SYNE1: variants seen among roughly 807,000 people sequenced by gnomAD.
The protein encoded by SYNE1 is nesprin-1.
SYNE1 carries 616 observed loss-of-function variants against 1,111.0 expected under a neutral mutation model. The observed-to-expected ratio is 0.55, with a 90% confidence interval of 0.52 to 0.59. The LOEUF (loss-of-function observed/expected upper bound fraction) is 0.59, where lower values mean the gene tolerates loss of function less well. SYNE1 is among the 20% of genes least tolerant of loss of function. The pLI is 0.00. For synonymous variants in SYNE1, 3,855 were observed against 3,825.8 expected (o/e 1.01, Z -0.28); for missense variants, 10,006 against 10,417.0 (o/e 0.96, Z 1.72).
chr6:152,587,021 A>T (rs921218171), intron 3 of SYNE1, among the ~76,000 whole-genome samples: 1 of 152,150 alleles, frequency 6.6e-6, no homozygotes, highest in African/African-American at 2.4e-5. Flanking sequence ...GGGCCAAGTC[A>T]TATCTTTGTA....
intron 95 of SYNE1, among the ~76,000 whole-genome samples, chr6:152,284,748 C>A (rs2153734639): frequency 6.6e-6 from 1 of 150,420 alleles, no homozygotes; most frequent in Non-Finnish European, 1.5e-5. Context: ...ATTTCTCAAT[C>A]ATTTCTAAGA....
At chr6:152,532,579 G>A (rs1029267257) in intron 4 of SYNE1, among the ~76,000 whole-genome samples, 5 of 152,168 alleles carry the variant, frequency 3.3e-5, no homozygotes, top group Non-Finnish European at 5.9e-5. Flanking sequence ...AGTCAGGGTT[G>A]CTGAACAGGA....
chr6:152,357,585 G>C (rs1157330412), intron 66 of SYNE1, among the ~76,000 whole-genome samples: 1 of 152,086 alleles, frequency 6.6e-6, no homozygotes, highest in Admixed American at 6.6e-5. Flanking sequence ...CTTAAGGTAA[G>C]TTTATGGGCC....
At chr6:152,622,876 C>T (rs1184489275) in intron 3 of SYNE1, among the ~76,000 whole-genome samples, 1 of 152,164 alleles carries the variant, frequency 6.6e-6, no homozygotes, top group Non-Finnish European at 1.5e-5. Flanking sequence ...AATTTACACT[C>T]CCACCAACAG....
At chr6:152,340,161 C>T (rs1019295398) in intron 74 of SYNE1, among the ~76,000 whole-genome samples, 7 of 152,184 alleles carry the variant, frequency 4.6e-5, no homozygotes, top group Non-Finnish European at 5.9e-5. Context: ...ATCTCCCAGG[C>T]CCCTCTGAGG....
Position 152,233,761 on chromosome 6 carries a change from G to T in SYNE1, c.20712+20C>A, listed in dbSNP as rs770967581. On this transcript the variant is annotated intron_variant, in intron 112 of 145. Coordinates refer to ENST00000367255, the MANE Select transcript of SYNE1 (RefSeq NM_182961.4). Reference sequence around the variant, plus strand: ...ATAGCTTAAGTCAGCTATTTCCCACGAAAGCAATCCTTTCTGTACCTGGTG... The same window carrying T: ...ATAGCTTAAGTCAGCTATTTCCCACTAAAGCAATCCTTTCTGTACCTGGTG... The T allele has an allele frequency of 1.9e-6, 3 of 1,614,038 alleles. No homozygotes were observed. Among genetic ancestry groups the T allele is most frequent in the South Asian group, 1.1e-5 (1 of 91,026 alleles).
intron 100 of SYNE1, among the ~76,000 whole-genome samples, chr6:152,264,034 C>T (rs941811085): frequency 6.6e-6 from 1 of 151,392 alleles, no homozygotes; most frequent in Admixed American, 6.6e-5. Context: ...CATGATGAAA[C>T]CTCATTTCTA....
intron 59 of SYNE1, among the ~76,000 whole-genome samples, chr6:152,371,667 G>A (rs1386723301): frequency 1.2e-5 from 1 of 85,816 alleles, no homozygotes; most frequent in Non-Finnish European, 2.3e-5. Flanking sequence ...AAGGCAGAGA[G>A]AGAGGGGAGG....
chr6:152,301,653 T>TG, intron 92 of SYNE1, among the ~76,000 whole-genome samples: 1 of 152,220 alleles, frequency 6.6e-6, no homozygotes, highest in African/African-American at 2.4e-5. Context: ...AATTCAGCTG[T>TG]CTCGAGCACA....
chr6:152,605,823 G>A (rs1226942296), intron 3 of SYNE1, among the ~76,000 whole-genome samples: 2 of 152,074 alleles, frequency 1.3e-5, no homozygotes, highest in Non-Finnish European at 2.9e-5. Context: ...ATTTAAAAAG[G>A]TATTTTTTTT....
chr6:152,409,094 C>T lies in SYNE1; in HGVS notation c.6514G>A (p.Glu2172Lys), dbSNP rs757797959. ...TCCAGCCATTTGTCCACGGTGCTCTCCATGTCTGTTTTCACCAAGCTGAAA... is the reference window on the plus strand; with the variant it reads ...TCCAGCCATTTGTCCACGGTGCTCTTCATGTCTGTTTTCACCAAGCTGAAA... ...SDFSLVKTDM[E>K]STVDKWLDVS... Residue 2172 changes from glutamate (E) to lysine (K), a missense_variant, in exon 44 of 146, where the codon GAG (glutamate) becomes AAG (lysine). By Grantham distance (56) the Glu-to-Lys change is moderately conservative (BLOSUM62 1). Transcript: ENST00000367255. 2.5e-6 allele frequency: 4 copies of T among 1,614,162 alleles called. No homozygotes were observed. Among genetic ancestry groups the T allele is most frequent in the Non-Finnish European group, 3.4e-6 (4 of 1,180,020 alleles).
At chr6:152,468,842 C>A (rs1475362419) in intron 16 of SYNE1, among the ~76,000 whole-genome samples, 2 of 152,174 alleles carry the variant, frequency 1.3e-5, no homozygotes, top group African/African-American at 2.4e-5. Flanking sequence ...GCAGCAAGAT[C>A]ATAGCTCACT....
In SYNE1 at chr6:152,401,294, T is replaced by A; in HGVS notation, c.6873A>T (p.Ile2291=). Residue 2291 remains isoleucine, a synonymous_variant, in exon 47 of 146, where the codon ATA becomes ATT. Transcript: ENST00000367255. ...TCAGGGTTCCTTTTGCTACTTCAGT[T>A]ATTTCTTTGGCATGCTCCAGTTTCT... ...LMQKLEHAKE[I]TEVAKGTLKD... is the part of the protein sequence containing the mutation. 6.2e-7 allele frequency: 1 copy of A among 1,614,104 alleles called. No individual in the cohort carries two copies. The highest frequency in any genetic ancestry group is 1.1e-5 in the South Asian group (1 of 91,086).
At chr6:152,343,470 C>CTT (rs561650440) in intron 74 of SYNE1, among the ~76,000 whole-genome samples, 1 of 133,210 alleles carries the variant, frequency 7.5e-6, no homozygotes, top group Non-Finnish European at 1.7e-5. Flanking sequence ...CATTCTCTTT[C>CTT]TTTTTTTTTT....
intron 4 of SYNE1, 81 bp downstream of exon 4, chr6:152,539,879 G>T: frequency 1.4e-6 from 2 of 1,428,208 alleles, no homozygotes; most frequent in Non-Finnish European, 2.0e-6. Flanking sequence ...AACAGGGACA[G>T]AAGCATTTTG....
intron 49 of SYNE1, 72 bp downstream of exon 49, chr6:152,398,547 G>A (rs1048611068): frequency 3.0e-5 from 37 of 1,253,592 alleles, no homozygotes; most frequent in Middle Eastern, 1.9e-4. Context: ...TGGGAAATGA[G>A]ATAACTTAGG....
chr6:152,168,409 G>A (rs373499527), intron 130 of SYNE1: 40 of 549,348 alleles, frequency 7.3e-5, no homozygotes, highest in African/African-American at 6.8e-4. Flanking sequence ...ACATGTGCCA[G>A]GCTTGATCTC....
intron 7 of SYNE1, among the ~76,000 whole-genome samples, chr6:152,510,770 G>A (rs533426038): frequency 9.6e-4 from 146 of 152,242 alleles, no homozygotes; most frequent in African/African-American, 2.9e-3. Flanking sequence ...TGAGGTGCTC[G>A]CTTTTCAGAT....
chr6:152,525,143 T>A (rs2099157810), intron 5 of SYNE1, among the ~76,000 whole-genome samples: 1 of 152,134 alleles, frequency 6.6e-6, no homozygotes, highest in Admixed American at 6.6e-5. Context: ...TGATGCAAAA[T>A]TATTACCAGT....
Sources: gnomAD v4.1 joint callset for allele counts (sites outside exome capture counted in the v4.1 genomes callset) on GRCh38, gnomAD v4.1.1 for gene constraint, MANE v1.5 for transcripts, NCBI Gene and HGNC (gene_info 2026-07-23, HGNC 2026-07-21) for gene names.